The following SCYL2 variants were observed in gnomAD, a reference collection of about 807,000 sequenced individuals.
SCYL2 encodes the protein SCY1-like protein 2.
SCYL2 carries 36 observed loss-of-function variants against 100.4 expected under a neutral mutation model. The observed-to-expected ratio is 0.36, with a 90% CI of 0.27 to 0.47. The LOEUF (loss-of-function observed/expected upper bound fraction) is 0.47, where lower values mean the gene tolerates loss of function less well. Ranked by LOEUF, SCYL2 falls within the 20% of genes least tolerant of loss-of-function variation. The pLI, the probability that SCYL2 is intolerant of heterozygous loss-of-function variation, is 1.00. For missense variants in SCYL2, 902 were observed against 1,083.9 expected, an observed-to-expected ratio of 0.83 and a Z score of 2.36; for synonymous variants, 330 against 359.2, an observed-to-expected ratio of 0.92 and a Z score of 0.92.
Position 100,341,645 on chromosome 12 carries a change from GAA to G in SCYL2, c.*2477_*2478del, listed in dbSNP as rs1952354799. 6.6e-6 allele frequency: 1 copy of G among 152,116 alleles called. No individual in the cohort carries two copies. The highest frequency in any genetic ancestry group is 1.5e-5 in the Non-Finnish European group (1 of 67,992). The allele number at this position is 152,116 out of a possible 1,614,324, so 9.4% of individuals were successfully genotyped here. The stretch of plus-strand genomic sequence containing the variant: ...CACATGGTTGTTTTTACACATGAAA[GAA>G]AAAGGTATATGCGAACATACCTGAT... On this transcript the variant is annotated 3_prime_UTR_variant, in exon 18 of 18. Transcript: ENST00000360820.
intron 10 of SCYL2, among the ~76,000 whole-genome samples, chr12:100,318,350 A>C (rs1036120451): frequency 6.8e-5 from 7 of 102,740 alleles, no homozygotes; most frequent in Non-Finnish European, 1.3e-4. Flanking sequence ...TTTTTTTTTG[A>C]GACTGAGTCT....
At chr12:100,308,256 GA>G in intron 4 of SCYL2, among the ~76,000 whole-genome samples, 1 of 152,278 alleles carries the variant, frequency 6.6e-6, no homozygotes, top group South Asian at 2.1e-4. Flanking sequence ...ATCAATGATA[GA>G]TTGGATAAAG....
intron 9 of SCYL2, among the ~76,000 whole-genome samples, chr12:100,317,190 T>A (rs2096349915): frequency 6.6e-6 from 1 of 152,208 alleles, no homozygotes; most frequent in African/African-American, 2.4e-5. Flanking sequence ...GGGCAGTATG[T>A]TCCTTATAAT....
At chr12:100,279,639 A>G (rs1238909429) in intron 1 of SCYL2, among the ~76,000 whole-genome samples, 3 of 152,046 alleles carry the variant, frequency 2.0e-5, no homozygotes, top group Non-Finnish European at 4.4e-5. Flanking sequence ...TTGATTTTAG[A>G]GTGGATTTAG....
intron 2 of SCYL2, among the ~76,000 whole-genome samples, chr12:100,289,170 G>C (rs901279397): frequency 1.2e-4 from 18 of 152,170 alleles, no homozygotes; most frequent in African/African-American, 4.3e-4. Context: ...GCTGTCCTGT[G>C]CCTCGTAATG....
At chr12:100,324,447 G>A (rs2096359571) in intron 11 of SCYL2, among the ~76,000 whole-genome samples, 1 of 152,092 alleles carries the variant, frequency 6.6e-6, no homozygotes, top group South Asian at 2.1e-4. Context: ...TGTAAAACTA[G>A]TTCTCTGGAG....
chr12:100,271,239 G>A (rs1310172414), intron 1 of SCYL2, among the ~76,000 whole-genome samples: 3 of 126,642 alleles, frequency 2.4e-5, no homozygotes, highest in Non-Finnish European at 4.7e-5. Flanking sequence ...CTTAAAGTTA[G>A]CCCTGCTCCT....
In SCYL2 at chr12:100,317,915, T is replaced by A. The variant is rs1339694521; in HGVS notation, c.1385T>A (p.Ile462Asn). The A allele has an allele frequency of 6.3e-7, 1 of 1,575,834 alleles. No homozygotes were observed. Among genetic ancestry groups the A allele is most frequent in the Non-Finnish European group, 8.6e-7 (1 of 1,169,280 alleles). Residue 462 changes from isoleucine to asparagine, a missense_variant, in exon 10 of 18, where the codon ATT becomes AAT. Physicochemically the swap from Ile to Asn is moderately radical, Grantham distance 149. Transcript: ENST00000360820. ...MVYRALEAPS[I>N]QIQELCLNII... ...TACAGAGCACTAGAAGCTCCTTCCA[T>A]TCAGATCCAGGTACAGTATCTGATT... is the stretch of plus-strand genomic sequence containing the variant.
At chr12:100,269,473 T>G (rs2096284876) in intron 1 of SCYL2, among the ~76,000 whole-genome samples, 2 of 152,128 alleles carry the variant, frequency 1.3e-5, no homozygotes, top group Admixed American at 1.3e-4. Context: ...TAATTAGATG[T>G]TCCTCATCTC....
chr12:100,338,169 A>G (rs368146121), intron 17 of SCYL2, among the ~76,000 whole-genome samples: 1 of 152,230 alleles, frequency 6.6e-6, no homozygotes, highest in South Asian at 2.1e-4. Flanking sequence ...GAGGAAACAA[A>G]TTCCTATAAA....
At chr12:100,287,898 C>T (rs1210511755) in intron 2 of SCYL2, among the ~76,000 whole-genome samples, 1 of 152,118 alleles carries the variant, frequency 6.6e-6, no homozygotes, top group Non-Finnish European at 1.5e-5. Context: ...CAATAGACAT[C>T]TGAGTATCTT....
intron 1 of SCYL2, among the ~76,000 whole-genome samples, chr12:100,274,043 A>C (rs2096290186): frequency 6.6e-6 from 1 of 152,218 alleles, no homozygotes; most frequent in Non-Finnish European, 1.5e-5. Flanking sequence ...ATGTTTTCAT[A>C]ATGCCAGTAG....
chr12:100,338,850 C>G lies in SCYL2; in HGVS notation c.2468C>G (p.Pro823Arg). Residue 823 changes from proline (P) to arginine (R), a missense_variant, in exon 18 of 18, where the codon CCT (proline) becomes CGT (arginine). By Grantham distance (103) the Pro-to-Arg change is moderately radical. Coordinates refer to ENST00000360820, the MANE Select transcript of SCYL2 (RefSeq NM_017988.6). ...CCAAACTTCAATGCTTTGAGTGTTC[C>G]TCCTGCTGGTGCAAAGCAGACCCAA... is the stretch of plus-strand genomic sequence containing the variant. ...TLPNFNALSV[P>R]PAGAKQTQQR... 6.2e-7 allele frequency: 1 copy of G among 1,614,142 alleles called. No individual in the cohort carries two copies. The highest frequency in any genetic ancestry group is 8.5e-7 in the Non-Finnish European group (1 of 1,179,980).
chr12:100,314,914 A>T (rs2096346654), intron 8 of SCYL2, among the ~76,000 whole-genome samples: 1 of 152,216 alleles, frequency 6.6e-6, no homozygotes, highest in African/African-American at 2.4e-5. Flanking sequence ...CAGCAGTTAA[A>T]GGGGTACTTC....
At chr12:100,274,779 T>A (rs898753393) in intron 1 of SCYL2, among the ~76,000 whole-genome samples, 3 of 152,142 alleles carry the variant, frequency 2.0e-5, no homozygotes, top group African/African-American at 7.2e-5. Flanking sequence ...GCAAATCAAT[T>A]TTAGGAAAGA....
At chr12:100,322,009 C>G (rs2096356261) in intron 10 of SCYL2, among the ~76,000 whole-genome samples, 1 of 145,030 alleles carries the variant, frequency 6.9e-6, no homozygotes, top group Non-Finnish European at 1.5e-5. Flanking sequence ...GAATTTGCCA[C>G]TGCACTCCAC....
intron 10 of SCYL2, among the ~76,000 whole-genome samples, chr12:100,321,387 T>C (rs1238774630): frequency 6.6e-6 from 1 of 152,200 alleles, no homozygotes; most frequent in Admixed American, 6.5e-5. Context: ...ACAAGGATCA[T>C]CTCTCATAAA....
intron 4 of SCYL2, among the ~76,000 whole-genome samples, chr12:100,298,873 C>T (rs1222841185): frequency 2.0e-5 from 3 of 152,190 alleles, no homozygotes; most frequent in African/African-American, 4.8e-5. Context: ...TGAGCCACCA[C>T]GCCTGGCTAG....
intron 3 of SCYL2, chr12:100,292,069 C>T (rs1345203040): frequency 6.4e-6 from 1 of 156,458 alleles, no homozygotes; most frequent in East Asian, 1.9e-4. Flanking sequence ...GACACTTAAC[C>T]TTCTACTATG....
Sources: allele counts gnomAD v4.1 joint callset (sites outside exome capture counted in the v4.1 genomes callset), GRCh38; gene constraint gnomAD v4.1.1; transcripts MANE v1.5; gene names NCBI Gene and HGNC (gene_info 2026-07-23, HGNC 2026-07-21).